Variants in RADIL observed in about 807,000 individuals in gnomAD.
RADIL encodes Rap associating with DIL domain.
In RADIL, 99 loss-of-function variants were observed where a neutral mutation model predicts 97.6. The observed-to-expected ratio is 1.01, with a 90% CI of 0.86 to 1.20. The LOEUF (loss-of-function observed/expected upper bound fraction) is 1.20, where lower values mean the gene tolerates loss of function less well. Ranked by LOEUF, RADIL falls within the 50% of genes most tolerant of loss-of-function variation. The pLI is 0.00. For missense variants in RADIL, 1,765 were observed against 1,498.9 expected (o/e 1.18, Z -2.93); for synonymous variants, 803 against 691.8 (o/e 1.16, Z -2.52).
At chr7:4,862,805 G>A (rs1169577246) in intron 2 of RADIL, among the ~76,000 whole-genome samples, 1 of 151,600 alleles carries the variant, frequency 6.6e-6, no homozygotes, top group Non-Finnish European at 1.5e-5. Flanking sequence ...GCTGAGGCAG[G>A]AGAATTGCTT....
chr7:4,869,993 G>A (rs1203177615), intron 2 of RADIL, among the ~76,000 whole-genome samples: 2 of 152,188 alleles, frequency 1.3e-5, no homozygotes, highest in African/African-American at 4.8e-5. Context: ...AAAGAAATAA[G>A]TCGAGTGTGT....
chr7:4,864,975 A>G (rs765526739), intron 2 of RADIL, among the ~76,000 whole-genome samples: 4 of 152,230 alleles, frequency 2.6e-5, no homozygotes, highest in Non-Finnish European at 4.4e-5. Context: ...CTATCTGTCT[A>G]GCCGCACCTT....
intron 1 of RADIL, among the ~76,000 whole-genome samples, chr7:4,882,708 C>T (rs1784510880): frequency 6.6e-6 from 1 of 152,222 alleles, no homozygotes; most frequent in African/African-American, 2.4e-5. Flanking sequence ...GCCACGCTTT[C>T]AAATGCAAAC....
chr7:4,876,588 ACCGCGCCTGG>A (rs1207589440), intron 2 of RADIL, among the ~76,000 whole-genome samples: 1 of 152,044 alleles, frequency 6.6e-6, no homozygotes, highest in Non-Finnish European at 1.5e-5. Flanking sequence ...GGTGTGAGCC[ACCGCGCCTGG>A]CCAAAATTAT....
At chr7:4,869,042 G>C (rs987751031) in intron 2 of RADIL, among the ~76,000 whole-genome samples, 1 of 152,176 alleles carries the variant, frequency 6.6e-6, no homozygotes, top group Admixed American at 6.5e-5. Context: ...CAGGAGAATG[G>C]GCTGAACCCG....
At chr7:4,829,313 C>A (rs1190739711) in intron 5 of RADIL, among the ~76,000 whole-genome samples, 2 of 152,168 alleles carry the variant, frequency 1.3e-5, no homozygotes. Context: ...GAGGCCAGGA[C>A]CCACCCCCAG....
At chr7:4,806,180 C>CAAAA in intron 9 of RADIL, 3 of 641,742 alleles carry the variant, frequency 4.7e-6, no homozygotes, top group Non-Finnish European at 5.8e-6. Context: ...GACAGAGTCT[C>CAAAA]ATGCTGTCAC....
At chr7:4,864,959 C>T (rs1251796999) in intron 2 of RADIL, among the ~76,000 whole-genome samples, 1 of 152,160 alleles carries the variant, frequency 6.6e-6, no homozygotes, top group Non-Finnish European at 1.5e-5. Context: ...TAGATCTTTT[C>T]CCCAACTATC....
chr7:4,860,169 A>T, intron 2 of RADIL: 1 of 1,614,016 alleles, frequency 6.2e-7, no homozygotes, highest in African/African-American at 1.3e-5. Flanking sequence ...CTGCTAATCA[A>T]TGGGCCTGTC....
chr7:4,862,728 T>A (rs983797683), intron 2 of RADIL, among the ~76,000 whole-genome samples: 2 of 151,914 alleles, frequency 1.3e-5, no homozygotes, highest in African/African-American at 4.8e-5. Context: ...AGAAACCCCG[T>A]CACTACTAAA....
At chr7:4,810,756 A>T (rs920146135) in intron 9 of RADIL, among the ~76,000 whole-genome samples, 1 of 152,210 alleles carries the variant, frequency 6.6e-6, no homozygotes, top group Non-Finnish European at 1.5e-5. Context: ...CGTCACCAGG[A>T]ACACCTGAGG....
intron 2 of RADIL, among the ~76,000 whole-genome samples, chr7:4,851,115 G>C (rs1583306727): frequency 6.6e-6 from 1 of 151,860 alleles, no homozygotes; most frequent in Admixed American, 6.6e-5. Context: ...TGAGGCAGGA[G>C]AATCACTTGA....
At chr7:4,800,368 A>C in intron 12 of RADIL, 58 bp from the exon 13 acceptor site, 1 of 1,402,920 alleles carries the variant, frequency 7.1e-7, no homozygotes, top group Non-Finnish European at 9.3e-7. Flanking sequence ...ACGACGAGGA[A>C]TGGGATGTCC....
In RADIL at chr7:4,846,145, T is replaced by C. The variant is rs1183532536; in HGVS notation, c.536-9540A>G. ...CTTCTTTTTTTTTTTTTTTTTTTTT[T>C]AAAGAGACGGAGTCTCGCTCTGTCA... On this transcript the variant is annotated intron_variant, in intron 2 of 14. Coordinates refer to ENST00000399583, the MANE Select transcript of RADIL (RefSeq NM_018059.5). 4.4e-5 allele frequency among the ~76,000 whole-genome samples: 6 copies of C among 134,998 alleles called. No homozygotes were observed. In the East Asian group the frequency reaches 6.3e-4, roughly 14 times the overall value. 88.6% of individuals were successfully genotyped at this position (134,998 alleles called of 152,430 possible).
intron 3 of RADIL, among the ~76,000 whole-genome samples, chr7:4,836,083 C>T (rs987992941): frequency 6.6e-6 from 1 of 152,244 alleles, no homozygotes; most frequent in African/African-American, 2.4e-5. Context: ...GTGAGGAGTT[C>T]TCCCTGAAGG....
chr7:4,839,004 AACCCACCCAATC>A (rs1215031634), intron 2 of RADIL, among the ~76,000 whole-genome samples: 3 of 152,198 alleles, frequency 2.0e-5, no homozygotes, highest in Non-Finnish European at 4.4e-5. Flanking sequence ...CAAAGCCCAG[AACCCACCCAATC>A]ACCCCCCACA....
In RADIL at chr7:4,799,811, G is replaced by C. The variant is rs546716091; in HGVS notation, c.2983-42C>G. ...GCCTCAGAGCTCCGCAGGCCCGACT[G>C]GCTGTCCCCAGCGAGGACCACTGCA... On this transcript the variant is annotated intron_variant, in intron 13 of 14. Transcript: ENST00000399583. 1,175 of 1,463,584 alleles carry C rather than the reference G, an allele frequency of 8.0e-4. 6 individuals carry two copies. In the Middle Eastern group the frequency reaches 0.015, roughly 19 times the overall value. 90.7% of individuals were successfully genotyped at this position (1,463,584 alleles called of 1,614,324 possible). A position where few individuals can be genotyped will look rare whatever the true frequency, so the allele number is the denominator to read the frequency against.
rs962402528 is a variant in RADIL, at chr7:4,827,914, A to C, written c.1454+4227T>G. ...CAGTGCAAAACAAACAAACAAACAA[A>C]CAAAAAAAAACGTAGACCAGTTTTA... On this transcript the variant is annotated intron_variant, in intron 5 of 14. Transcript: ENST00000399583. 4.6e-5 allele frequency among the ~76,000 whole-genome samples: 7 copies of C among 151,268 alleles called. No homozygotes were observed. In the South Asian group the frequency reaches 1.5e-3, roughly 32 times the overall value.
Position 4,799,744 on chromosome 7 carries a change from A to AGCCCGGGGGC in RADIL, c.2998_3007dup (p.Leu1003ArgfsTer108). Reference sequence around the variant, plus strand: ...GCCCGGGAGCAGGGTCTGGATGTAGAGCCCGGGGGCGCCCAGGTGCGTGTG... The same window carrying AGCCCGGGGGC: ...GCCCGGGAGCAGGGTCTGGATGTAGAGCCCGGGGGCGCCCGGGGGCGCCCAGGTGCGTGTG... On this transcript the variant is annotated frameshift_variant, in exon 14 of 15. Transcript: ENST00000399583. LOFTEE classifies it high-confidence loss of function. The AGCCCGGGGGC allele has an allele frequency of 6.4e-7, 1 of 1,551,368 alleles. No homozygotes were observed. The highest frequency in any genetic ancestry group is 1.8e-4 in the Middle Eastern group (1 of 5,692).
Sources: allele counts gnomAD v4.1 joint callset (sites outside exome capture counted in the v4.1 genomes callset), GRCh38; gene constraint gnomAD v4.1.1; transcripts MANE v1.5; gene names NCBI Gene and HGNC (gene_info 2026-07-23, HGNC 2026-07-21).